The following MEI4 variants were observed in gnomAD, a reference collection of about 807,000 sequenced individuals.
MEI4 encodes the protein meiotic double-stranded break formation protein 4.
Under a neutral mutation model 31.4 loss-of-function variants are expected in MEI4, and 27 were observed. The observed-to-expected ratio is 0.86, with a 90% CI of 0.63 to 1.19. MEI4 has a LOEUF of 1.19. MEI4 is among the 50% of genes most tolerant of loss of function. The probability of loss-of-function intolerance (pLI) is 0.00; values close to 1 mark genes in which losing one functional copy is unlikely to be tolerated. For missense variants in MEI4, 329 were observed against 398.9 expected (o/e 0.82, Z 1.49); for synonymous variants, 122 against 145.4 (o/e 0.84, Z 1.16).
At chr6:77,735,815 G>A (rs1009300170) in intron 2 of MEI4, among the ~76,000 whole-genome samples, 6 of 152,046 alleles carry the variant, frequency 3.9e-5, no homozygotes, top group African/African-American at 4.8e-5. Context: ...GGTTTTTGGT[G>A]TGGATGTACT....
At chr6:77,819,262 C>G (rs1769759570) in intron 3 of MEI4, among the ~76,000 whole-genome samples, 2 of 152,054 alleles carry the variant, frequency 1.3e-5, no homozygotes, top group Admixed American at 6.5e-5. Flanking sequence ...ATTGTTTTAA[C>G]TGATTTAAAT....
At chr6:77,783,006 T>C (rs1195815149) in intron 3 of MEI4, among the ~76,000 whole-genome samples, 1 of 150,454 alleles carries the variant, frequency 6.6e-6, no homozygotes, top group South Asian at 2.1e-4. Flanking sequence ...GTTGGTTTTT[T>C]CCACTGTTTA....
intron 4 of MEI4, among the ~76,000 whole-genome samples, chr6:77,869,319 A>G (rs924292570): frequency 5.3e-5 from 8 of 152,182 alleles, no homozygotes; most frequent in Non-Finnish European, 1.0e-4. Flanking sequence ...ACATATTCAT[A>G]TGTCGAAGCC....
chr6:77,680,124 A>G lies in MEI4; in HGVS notation c.-14-10534A>G. Among the ~76,000 whole-genome samples the G allele has an allele frequency of 1.5e-5, 2 of 135,184 alleles. 1 individual carries two copies. The highest frequency in any genetic ancestry group is 3.1e-5 in the Non-Finnish European group (2 of 63,686). The allele number at this position is 135,184 out of a possible 152,430, so 88.7% of individuals were successfully genotyped here. On this transcript the variant is annotated intron_variant, in intron 1 of 4. Transcript: ENST00000684080. ...GTCCCTACTAAAAATACAAAAAAAA[A>G]AAAAATTAGCTGGGCGTGATGGCGG...
At chr6:77,848,233 A>G (rs1770534097) in intron 4 of MEI4, among the ~76,000 whole-genome samples, 1 of 152,192 alleles carries the variant, frequency 6.6e-6, no homozygotes, top group South Asian at 2.1e-4. Flanking sequence ...TTTGAGTGTG[A>G]AAGTTGGGAG....
rs531579911 is a variant in MEI4, at chr6:77,881,201, A to G, written c.901-41888A>G. Among the ~76,000 whole-genome samples the G allele has an allele frequency of 5.2e-4, 79 of 152,206 alleles. 2 individuals carry two copies. Among genetic ancestry groups the G allele is most frequent in the African/African-American group, 1.3e-3 (56 of 41,532 alleles). ...AACAAAAAAGCCTTCTATGTTCAAA[A>G]TGTTGTGGTAAACAGACTAATTTGC... On this transcript the variant is annotated intron_variant, in intron 4 of 4. Transcript: ENST00000684080.
chr6:77,826,408 C>T (rs1334310485), intron 3 of MEI4, among the ~76,000 whole-genome samples: 1 of 152,146 alleles, frequency 6.6e-6, no homozygotes, highest in Non-Finnish European at 1.5e-5. Flanking sequence ...TGATCAACTG[C>T]AAGCACATTG....
At chr6:77,702,586 A>G (rs1196766681) in intron 2 of MEI4, among the ~76,000 whole-genome samples, 1 of 152,138 alleles carries the variant, frequency 6.6e-6, no homozygotes, top group Non-Finnish European at 1.5e-5. Context: ...TTCCTTGGTC[A>G]TACTTAATTT....
chr6:77,744,938 C>T (rs951513912), intron 2 of MEI4, among the ~76,000 whole-genome samples: 10 of 152,248 alleles, frequency 6.6e-5, no homozygotes, highest in Non-Finnish European at 1.5e-4. Flanking sequence ...TTGTCACCAC[C>T]ATGCCTGCCC....
chr6:77,807,259 A>G (rs1193049206), intron 3 of MEI4, among the ~76,000 whole-genome samples: 8 of 152,086 alleles, frequency 5.3e-5, no homozygotes. Flanking sequence ...AAATCTAATA[A>G]AGGCCTGAAA....
intron 3 of MEI4, among the ~76,000 whole-genome samples, chr6:77,786,624 A>G (rs575860961): frequency 9.2e-5 from 14 of 152,134 alleles, no homozygotes; most frequent in Non-Finnish European, 1.6e-4. Context: ...AAAACTGTTT[A>G]TATTTGTAGT....
intron 3 of MEI4, among the ~76,000 whole-genome samples, chr6:77,798,954 C>T (rs1438919640): frequency 5.9e-5 from 9 of 151,750 alleles, no homozygotes; most frequent in Non-Finnish European, 1.0e-4. Flanking sequence ...AATAAACATA[C>T]GTGTGCATGT....
chr6:77,666,699 G>A (rs941811898), intron 1 of MEI4, among the ~76,000 whole-genome samples: 1 of 152,118 alleles, frequency 6.6e-6, no homozygotes, highest in Non-Finnish European at 1.5e-5. Flanking sequence ...TGTTAGTCTT[G>A]CTTCTTTACG....
rs537973965 is a variant in MEI4, at chr6:77,847,436, G to T, written c.900+18374G>T. Among the ~76,000 whole-genome samples the T allele has an allele frequency of 6.6e-6, 1 of 152,122 alleles. No individual in the cohort carries two copies. The highest frequency in any genetic ancestry group is 2.4e-5 in the African/African-American group (1 of 41,432). ...TTGCTGCAGTTTTAATGGCTGCCAT[G>T]ATGAGGTCTATCAGTCACTGAAAAG... On this transcript the variant is annotated intron_variant, in intron 4 of 4. Coordinates refer to ENST00000684080, the MANE Select transcript of MEI4 (RefSeq NM_001322247.2). The surrounding 1 kb of genome is among the most constrained non-coding windows in gnomAD (Gnocchi z 4.6).
At chr6:77,834,557 G>A (rs946264492) in intron 4 of MEI4, among the ~76,000 whole-genome samples, 3 of 151,648 alleles carry the variant, frequency 2.0e-5, no homozygotes, top group South Asian at 2.1e-4. Context: ...ATTCGGCAAC[G>A]GATGAATAAA....
At chr6:77,901,762 G>A (rs1766192981) in intron 4 of MEI4, among the ~76,000 whole-genome samples, 2 of 151,812 alleles carry the variant, frequency 1.3e-5, no homozygotes, top group Admixed American at 1.3e-4. Flanking sequence ...CTGTACTTTG[G>A]GATCATATCC....
In MEI4 at chr6:77,818,731, T is replaced by C. The variant is rs529249107; in HGVS notation, c.769-10200T>C. On this transcript the variant is annotated intron_variant, in intron 3 of 4. Coordinates refer to ENST00000684080, the MANE Select transcript of MEI4 (RefSeq NM_001322247.2). ...TGTTACATTGTTGGATATTTAGGTA[T>C]TTTGTTTTTAATAGTGACAGGGTCT... is the stretch of plus-strand genomic sequence containing the variant. 2.0e-5 allele frequency among the ~76,000 whole-genome samples: 3 copies of C among 152,276 alleles called. No individual in the cohort carries two copies. In the East Asian group the frequency reaches 5.8e-4, roughly 29 times the overall value.
intron 3 of MEI4, among the ~76,000 whole-genome samples, chr6:77,815,002 C>T (rs745802063): frequency 2.0e-5 from 3 of 152,034 alleles, no homozygotes; most frequent in East Asian, 1.9e-4. Context: ...CCAAATAGTG[C>T]GAGCTCATTT....
At chr6:77,915,549 C>CTA (rs1766526259) in intron 4 of MEI4, among the ~76,000 whole-genome samples, 1 of 151,902 alleles carries the variant, frequency 6.6e-6, no homozygotes, top group East Asian at 1.9e-4. Context: ...TTTTCTCTTG[C>CTA]TATTGCTCTC....
Sources: gnomAD v4.1 joint callset for allele counts (sites outside exome capture counted in the v4.1 genomes callset) on GRCh38, gnomAD v4.1.1 for gene constraint, Gnocchi (gnomAD v3.1) non-coding constraint, MANE v1.5 for transcripts, NCBI Gene and HGNC (gene_info 2026-07-23, HGNC 2026-07-21) for gene names.